CDC73: variants seen among roughly 807,000 people sequenced by gnomAD.
CDC73 encodes parafibromin.
CDC73 carries 21 observed loss-of-function variants against 83.7 expected under a neutral mutation model. The observed-to-expected ratio is 0.25, with a 90% CI of 0.18 to 0.36. The LOEUF (loss-of-function observed/expected upper bound fraction) is 0.36, where lower values mean the gene tolerates loss of function less well. CDC73 is among the 10% of genes least tolerant of loss of function. CDC73 has a pLI of 1.00. For synonymous variants in CDC73, 224 were observed against 212.9 expected (o/e 1.05, Z -0.45); for missense variants, 342 against 653.3 (o/e 0.52, Z 5.19).
intron 10 of CDC73, chr1:193,186,595 C>CAG (rs914203666): frequency 6.6e-6 from 1 of 152,180 alleles, no homozygotes; most frequent in African/African-American, 2.4e-5. Flanking sequence ...GCTGCACAGG[C>CAG]AGGCAGCAGT....
At chr1:193,237,021 G>C (rs1045984372) in intron 15 of CDC73, 1 of 146,422 alleles carries the variant, frequency 6.8e-6, no homozygotes, top group African/African-American at 2.5e-5. Context: ...TCAGCTCACT[G>C]CAAGCTCCGC....
chr1:193,127,016 C>A (rs563285082), intron 2 of CDC73, among the ~76,000 whole-genome samples: 7 of 152,094 alleles, frequency 4.6e-5, no homozygotes, highest in Non-Finnish European at 1.0e-4. Context: ...GTAGTCCCAG[C>A]ACTTTGGGAG....
At chr1:193,207,766 C>T (rs1677213371) in intron 11 of CDC73, among the ~76,000 whole-genome samples, 1 of 152,260 alleles carries the variant, frequency 6.6e-6, no homozygotes, top group Admixed American at 6.5e-5. Flanking sequence ...ACATGTTTTA[C>T]AATCAATTTG....
At chr1:193,181,538 A>C (rs1463512450) in intron 10 of CDC73, 1 of 1,602,212 alleles carries the variant, frequency 6.2e-7, no homozygotes, top group African/African-American at 1.3e-5. Context: ...GCAAAGCAGC[A>C]GTGTCTTCTC....
chr1:193,177,182 A>G (rs965285111), intron 10 of CDC73, among the ~76,000 whole-genome samples: 4 of 151,208 alleles, frequency 2.6e-5, no homozygotes, highest in African/African-American at 9.7e-5. Flanking sequence ...TTTTTTTTTT[A>G]ATCAGCTGTC....
intron 5 of CDC73, 106 bp from the exon 6 acceptor site, chr1:193,137,979 G>C (rs960619655): frequency 2.4e-6 from 2 of 819,932 alleles, no homozygotes. Context: ...CTGATACCTA[G>C]AATTGTAGAG....
chr1:193,232,702 A>G (rs1677681225), intron 13 of CDC73, among the ~76,000 whole-genome samples: 1 of 152,120 alleles, frequency 6.6e-6, no homozygotes, highest in African/African-American at 2.4e-5. Context: ...GCAGTTCGAG[A>G]CCAGCCTGAC....
intron 14 of CDC73, 57 bp downstream of exon 14, chr1:193,233,211 T>A: frequency 6.8e-7 from 1 of 1,468,394 alleles, no homozygotes; most frequent in Non-Finnish European, 9.5e-7. Flanking sequence ...AGAGAATGAA[T>A]GTTGTTATTG....
rs1446968173 is a variant in CDC73, at chr1:193,254,475, G to A, written c.*3763G>A. 3.3e-5 allele frequency among the ~76,000 whole-genome samples: 5 copies of A among 152,066 alleles called. No individual in the cohort carries two copies. Among genetic ancestry groups the A allele is most frequent in the Non-Finnish European group, 7.4e-5 (5 of 67,954 alleles). On this transcript the variant is annotated 3_prime_UTR_variant, in exon 17 of 17. Transcript: ENST00000367435. Reference sequence around the variant, plus strand: ...CTAAAGTTGACTTAAGTTAAGAATTGGAGTGGGAATTTTGAAATGCCATGT... The same window carrying A: ...CTAAAGTTGACTTAAGTTAAGAATTAGAGTGGGAATTTTGAAATGCCATGT...
intron 10 of CDC73, among the ~76,000 whole-genome samples, chr1:193,190,217 G>A (rs1676895562): frequency 6.6e-6 from 1 of 152,188 alleles, no homozygotes; most frequent in Admixed American, 6.5e-5. Context: ...ACTGTCACTT[G>A]ACACAATTAT....
At chr1:193,135,654 C>T (rs142509713) in intron 5 of CDC73, 65 bp downstream of exon 5, 1 of 1,332,884 alleles carries the variant, frequency 7.5e-7, no homozygotes, top group Non-Finnish European at 1.1e-6. Context: ...TCTTTAGTAA[C>T]AAGGATTCTT....
intron 13 of CDC73, among the ~76,000 whole-genome samples, chr1:193,227,228 T>G (rs1370633457): frequency 6.6e-6 from 1 of 152,160 alleles, no homozygotes; most frequent in East Asian, 1.9e-4. Flanking sequence ...TTCTATTTTT[T>G]TATTTTTGTT....
chr1:193,135,658 G>T, intron 5 of CDC73, 69 bp downstream of exon 5: 3 of 1,256,810 alleles, frequency 2.4e-6, no homozygotes, highest in Non-Finnish European at 3.4e-6. Flanking sequence ...TAGTAACAAG[G>T]ATTCTTTGAT....
chr1:193,206,501 T>C (rs1003969751), intron 11 of CDC73, among the ~76,000 whole-genome samples: 1 of 152,252 alleles, frequency 6.6e-6, no homozygotes, highest in Non-Finnish European at 1.5e-5. Context: ...TAGTGTATTT[T>C]TATTTTGCTG....
intron 10 of CDC73, among the ~76,000 whole-genome samples, chr1:193,195,002 C>A (rs1051185595): frequency 6.6e-5 from 10 of 152,000 alleles, no homozygotes; most frequent in Admixed American, 6.6e-4. Flanking sequence ...GTTTAACACA[C>A]AAAACATAAG....
intron 15 of CDC73, among the ~76,000 whole-genome samples, chr1:193,246,035 G>A (rs1428262206): frequency 6.6e-6 from 1 of 152,000 alleles, no homozygotes; most frequent in Non-Finnish European, 1.5e-5. Context: ...TTAATCCCCT[G>A]TCAGATGAGT....
intron 10 of CDC73, among the ~76,000 whole-genome samples, chr1:193,193,112 A>G (rs1224357628): frequency 6.6e-6 from 1 of 152,218 alleles, no homozygotes; most frequent in Non-Finnish European, 1.5e-5. Flanking sequence ...AAAGCAGACA[A>G]GAGACATGCC....
chr1:193,170,792 C>T (rs1676506325), intron 10 of CDC73, among the ~76,000 whole-genome samples: 1 of 152,070 alleles, frequency 6.6e-6, no homozygotes, highest in Non-Finnish European at 1.5e-5. Context: ...TCCTATTTGT[C>T]ATCTTTTGCT....
chr1:193,122,784 T>C (rs536338853), intron 1 of CDC73, among the ~76,000 whole-genome samples: 7 of 152,162 alleles, frequency 4.6e-5, no homozygotes, highest in Admixed American at 2.6e-4. Context: ...GTTTATTTCA[T>C]CTCCTTTCAT....
Sources: allele counts gnomAD v4.1 joint callset (sites outside exome capture counted in the v4.1 genomes callset), GRCh38; gene constraint gnomAD v4.1.1; transcripts MANE v1.5; gene names NCBI Gene and HGNC (gene_info 2026-07-23, HGNC 2026-07-21).